NTRK2: variants seen among roughly 807,000 people sequenced by gnomAD.
NTRK2 encodes BDNF/NT-3 growth factors receptor.
A neutral mutation model predicts 94.5 loss-of-function variants in NTRK2; 13 were observed. That is an observed-to-expected ratio of 0.14 (90% CI 0.09 to 0.22). The LOEUF (loss-of-function observed/expected upper bound fraction) is 0.22, where lower values mean the gene tolerates loss of function less well. Among genes scored for constraint, NTRK2 ranks in the 10% least tolerant of loss-of-function variants. The probability of loss-of-function intolerance (pLI) is 1.00; values close to 1 mark genes in which losing one functional copy is unlikely to be tolerated. For synonymous variants in NTRK2, 372 were observed against 407.4 expected (o/e 0.91, Z 1.05); for missense variants, 639 against 1,071.2 (o/e 0.60, Z 5.63).
At chr9:84,850,896 G>T (rs1003348251) in intron 12 of NTRK2, among the ~76,000 whole-genome samples, 7 of 152,164 alleles carry the variant, frequency 4.6e-5, no homozygotes, top group African/African-American at 1.7e-4. Flanking sequence ...AAAATAATGT[G>T]GGAGAAGACC....
Position 84,751,045 on chromosome 9 carries a change from A to T in NTRK2, c.1297-941A>T, listed in dbSNP as rs1468464494. Among the ~76,000 whole-genome samples the T allele has an allele frequency of 2.0e-5, 3 of 152,128 alleles. No individual in the cohort carries two copies. The East Asian group carries it at 5.8e-4, about 29-fold the overall frequency. Reference sequence around the variant, plus strand: ...ACTTAAACATTTTTAGGCTTATATCATATATATGGGAAAATGCACATATCA... The same window carrying T: ...ACTTAAACATTTTTAGGCTTATATCTTATATATGGGAAAATGCACATATCA... On this transcript the variant is annotated intron_variant, in intron 11 of 18. Coordinates refer to ENST00000277120, the MANE Select transcript of NTRK2 (RefSeq NM_006180.6).
chr9:85,021,674 C>T lies in NTRK2; in HGVS notation c.*237C>T. 1.8e-6 allele frequency: 1 copy of T among 550,248 alleles called. No homozygotes were observed. Among genetic ancestry groups the T allele is most frequent in the Non-Finnish European group, 3.2e-6 (1 of 311,608 alleles). 34.1% of individuals were successfully genotyped at this position (550,248 alleles called of 1,614,324 possible). On this transcript the variant is annotated 3_prime_UTR_variant, in exon 19 of 19. Coordinates refer to ENST00000277120, the MANE Select transcript of NTRK2 (RefSeq NM_006180.6). The stretch of plus-strand genomic sequence containing the variant: ...TCTCTTTCCATCTCCCTTGGTTGTT[C>T]CTTTTTCTTTTTTTAAATTTTCTTT...
At chr9:84,841,499 T>C (rs186178024) in intron 12 of NTRK2, among the ~76,000 whole-genome samples, 1 of 152,324 alleles carries the variant, frequency 6.6e-6, no homozygotes, top group Non-Finnish European at 1.5e-5. Flanking sequence ...CTAGAATATC[T>C]GGCCACATTG....
At chr9:84,850,966 AG>A (rs1166543921) in intron 12 of NTRK2, among the ~76,000 whole-genome samples, 6 of 152,196 alleles carry the variant, frequency 3.9e-5, no homozygotes, top group Non-Finnish European at 8.8e-5. Context: ...CAGGGATAAA[AG>A]GTTTTAGCAT....
intron 14 of NTRK2, among the ~76,000 whole-genome samples, chr9:84,889,710 G>A (rs1488875069): frequency 2.0e-5 from 3 of 152,182 alleles, no homozygotes; most frequent in African/African-American, 7.2e-5. Context: ...ACTGTGCCCG[G>A]CCAATATTTT....
intron 13 of NTRK2, among the ~76,000 whole-genome samples, chr9:84,863,443 T>A (rs1474102337): frequency 6.6e-6 from 1 of 152,234 alleles, no homozygotes; most frequent in African/African-American, 2.4e-5. Context: ...ATGAATATTA[T>A]AATACATTTT....
chr9:84,693,255 A>C lies in NTRK2; in HGVS notation c.213-8904A>C, dbSNP rs529788407. 2.6e-5 allele frequency among the ~76,000 whole-genome samples: 4 copies of C among 152,338 alleles called. No individual in the cohort carries two copies. In the South Asian group the frequency reaches 8.3e-4, roughly 32 times the overall value. ...GATTTACCCATCATGCTACTTGTAGACTGAGATCCAGTCTTAAACTTGCAT... is the reference window on the plus strand; with the variant it reads ...GATTTACCCATCATGCTACTTGTAGCCTGAGATCCAGTCTTAAACTTGCAT... On this transcript the variant is annotated intron_variant, in intron 2 of 18. Transcript: ENST00000277120.
At chr9:84,914,837 CA>C (rs2077347260) in intron 14 of NTRK2, among the ~76,000 whole-genome samples, 1 of 152,158 alleles carries the variant, frequency 6.6e-6, no homozygotes, top group African/African-American at 2.4e-5. Flanking sequence ...CATGTCATTC[CA>C]AAGTCTCCAG....
At chr9:84,787,755 C>T (rs2068267350) in intron 12 of NTRK2, among the ~76,000 whole-genome samples, 1 of 152,194 alleles carries the variant, frequency 6.6e-6, no homozygotes, top group East Asian at 1.9e-4. Flanking sequence ...ATAGCTCCTA[C>T]TGTATAGAGT....
rs2131263383 is a variant in NTRK2, at chr9:84,670,623, A to G, written c.-126A>G. 1.1e-6 allele frequency: 1 copy of G among 934,302 alleles called. No homozygotes were observed. The highest frequency in any genetic ancestry group is 2.4e-5 in the East Asian group (1 of 41,736). The allele number at this position is 934,302 out of a possible 1,614,324, so 57.9% of individuals were successfully genotyped here. A position where few individuals can be genotyped will look rare whatever the true frequency, so the allele number is the denominator to read the frequency against. On this transcript the variant is annotated 5_prime_UTR_variant, in exon 2 of 19. Coordinates refer to ENST00000277120, the MANE Select transcript of NTRK2 (RefSeq NM_006180.6). Reference sequence around the variant, plus strand: ...CAGCCTCTGATAAGCTGGACTCGGCACGCCCGCAACAAGCACCGAGGAGTT... The same window carrying G: ...CAGCCTCTGATAAGCTGGACTCGGCGCGCCCGCAACAAGCACCGAGGAGTT...
intron 12 of NTRK2, among the ~76,000 whole-genome samples, chr9:84,755,422 G>A (rs550667766): frequency 9.2e-5 from 14 of 151,702 alleles, no homozygotes; most frequent in Admixed American, 2.6e-4. Flanking sequence ...CCTAAGTTCG[G>A]TAATTGGAAA....
chr9:84,926,169 C>CCTTTCTTTCTTTCTTTCTTTCTTTCTTT (rs869183621), intron 14 of NTRK2, among the ~76,000 whole-genome samples: 1 of 38,566 alleles, frequency 2.6e-5, no homozygotes, highest in Non-Finnish European at 5.4e-5. Context: ...TTCCTTCCTT[C>CCTTTCTTTCTTTCTTTCTTTCTTTCTTT]CTTTCTTTCT....
upstream of NTRK2, chr9:84,669,277 T>C (rs202007433): frequency 9.2e-5 from 14 of 152,740 alleles, no homozygotes; most frequent in African/African-American, 3.4e-4. The surrounding 1 kb of genome is among the most constrained non-coding windows in gnomAD (Gnocchi z 4.1). Context: ...AGGATTCCTA[T>C]AATAAGAATC....
intron 17 of NTRK2, among the ~76,000 whole-genome samples, chr9:84,961,466 A>T (rs914088179): frequency 6.6e-6 from 1 of 152,236 alleles, no homozygotes; most frequent in Non-Finnish European, 1.5e-5. Context: ...GGAGAAGTCT[A>T]TTAAGTTCAG....
intron 15 of NTRK2, among the ~76,000 whole-genome samples, chr9:84,947,624 A>T (rs954671459): frequency 6.6e-6 from 1 of 152,226 alleles, no homozygotes; most frequent in Non-Finnish European, 1.5e-5. Flanking sequence ...GTGCTGATTC[A>T]TTCAGGACAG....
At chr9:84,847,586 A>G (rs1407857476) in intron 12 of NTRK2, among the ~76,000 whole-genome samples, 1 of 152,224 alleles carries the variant, frequency 6.6e-6, no homozygotes, top group African/African-American at 2.4e-5. Context: ...ATGCCCATCC[A>G]GCAGAAAAGA....
intron 12 of NTRK2, 133 bp from the exon 13 acceptor site, chr9:84,860,891 GTTTATTTATTTATTTA>G (rs143811359): frequency 0.018 from 6,900 of 378,584 alleles, 455 homozygotes; most frequent in African/African-American, 0.13. Context: ...CAAGTGGTTT[GTTTATTTATTTATTTA>G]TTTATTTATT....
chr9:84,751,914 T>C, intron 11 of NTRK2, 72 bp from the exon 12 acceptor site: 1 of 1,156,634 alleles, frequency 8.6e-7, no homozygotes, highest in Non-Finnish European at 1.3e-6. Flanking sequence ...ATCATCGTCA[T>C]GATCATCATC....
chr9:84,718,235 C>T (rs1468992515), intron 6 of NTRK2, among the ~76,000 whole-genome samples: 3 of 152,156 alleles, frequency 2.0e-5, no homozygotes, highest in African/African-American at 7.2e-5. Context: ...TTGCCCGACA[C>T]TTATGGTCTA....
Sources: allele counts gnomAD v4.1 joint callset (sites outside exome capture counted in the v4.1 genomes callset), GRCh38; gene constraint gnomAD v4.1.1; non-coding constraint Gnocchi (gnomAD v3.1); transcripts MANE v1.5; gene names NCBI Gene and HGNC (gene_info 2026-07-23, HGNC 2026-07-21).